Variants in SCP2 observed in about 807,000 individuals in gnomAD.
SCP2 encodes the protein sterol carrier protein 2.
Under a neutral mutation model 71.4 loss-of-function variants are expected in SCP2, and 48 were observed. The ratio of observed to expected loss-of-function variants is 0.67; its 90% confidence interval spans 0.53 to 0.86. The LOEUF is 0.86. Among genes scored for constraint, SCP2 ranks in the 40% least tolerant of loss-of-function variants. The pLI is 0.00. For missense variants in SCP2, 560 were observed against 655.6 expected (o/e 0.85, Z 1.59); for synonymous variants, 220 against 218.1 (o/e 1.01, Z -0.08).
chr1:52,955,330 T>C (rs1382975272), intron 5 of SCP2, among the ~76,000 whole-genome samples: 1 of 152,200 alleles, frequency 6.6e-6, no homozygotes, highest in African/African-American at 2.4e-5. Flanking sequence ...AGCCACAATT[T>C]TAACAGCCCC....
intron 14 of SCP2, among the ~76,000 whole-genome samples, chr1:53,041,027 C>G (rs947409488): frequency 2.0e-5 from 3 of 152,056 alleles, no homozygotes; most frequent in African/African-American, 7.2e-5. Flanking sequence ...CTGTACTGTA[C>G]TGTTATGCTT....
At chr1:52,968,193 T>C (rs59677561) in intron 6 of SCP2, among the ~76,000 whole-genome samples, 10,183 of 152,232 alleles carry the variant, frequency 0.067, 585 homozygotes, top group East Asian at 0.21. Context: ...CGGCCCGTCT[T>C]GGCCTCCCAA....
intron 1 of SCP2, among the ~76,000 whole-genome samples, chr1:52,940,596 C>T (rs1257035806): frequency 1.3e-5 from 2 of 152,144 alleles, no homozygotes; most frequent in African/African-American, 4.8e-5. Context: ...ATCTGTAATG[C>T]ACGGAACCTA....
rs748767919 is a variant in SCP2 at position 52,978,316 on chromosome 1, A to G, written c.774A>G (p.Glu258=). 6.2e-7 allele frequency: 1 copy of G among 1,614,162 alleles called. No homozygotes were observed. Among genetic ancestry groups the G allele is most frequent in the Admixed American group, 1.7e-5 (1 of 60,032 alleles). Residue 258 remains glutamate, a synonymous_variant, in exon 9 of 16, where the codon GAA becomes GAG. Coordinates refer to ENST00000371514, the MANE Select transcript of SCP2 (RefSeq NM_002979.5). ...AAGCTGTGGAAATTTTGGCACAAGA[A>G]ATGATGACTGATTTGCCAAGCTCGT... The part of the protein sequence containing the change: ...QSKAVEILAQ[E]MMTDLPSSFE...
intron 11 of SCP2, among the ~76,000 whole-genome samples, chr1:53,013,360 C>A (rs113227930): frequency 0.14 from 19,856 of 145,578 alleles, 1,923 homozygotes; most frequent in East Asian, 0.32. Flanking sequence ...CCAAGGTGGG[C>A]AGATCACGAG....
chr1:52,967,805 A>G (rs558096180), intron 6 of SCP2, among the ~76,000 whole-genome samples: 10 of 152,282 alleles, frequency 6.6e-5, no homozygotes, highest in Non-Finnish European at 8.8e-5. Flanking sequence ...TCACAGGTAC[A>G]CACAATTGCT....
intron 14 of SCP2, among the ~76,000 whole-genome samples, chr1:53,044,562 A>G (rs1038632895): frequency 1.6e-4 from 25 of 152,210 alleles, no homozygotes; most frequent in East Asian, 1.9e-4. Context: ...TTTTCATTCT[A>G]TTGGACAAAT....
intron 2 of SCP2, among the ~76,000 whole-genome samples, chr1:52,944,925 G>A (rs1287896948): frequency 1.3e-5 from 2 of 151,946 alleles, no homozygotes; most frequent in Admixed American, 6.5e-5. Flanking sequence ...AGGATTACAG[G>A]CGTGAGCCAC....
At chr1:52,977,736 G>A (rs1490252948) in intron 8 of SCP2, among the ~76,000 whole-genome samples, 5 of 152,132 alleles carry the variant, frequency 3.3e-5, no homozygotes, top group African/African-American at 7.2e-5. Flanking sequence ...CGAGGCGGGC[G>A]GATCACCTGA....
intron 11 of SCP2, among the ~76,000 whole-genome samples, chr1:52,998,375 T>C (rs1483232151): frequency 4.6e-5 from 7 of 152,148 alleles, no homozygotes; most frequent in Non-Finnish European, 5.9e-5. Flanking sequence ...GTGGGAGGAT[T>C]GCTTGAAGCC....
intron 11 of SCP2, among the ~76,000 whole-genome samples, chr1:53,012,147 T>G (rs116017985): frequency 2.6e-5 from 4 of 152,188 alleles, no homozygotes; most frequent in Admixed American, 6.5e-5. Flanking sequence ...AAAGAAATTA[T>G]CTGACCTATC....
intron 5 of SCP2, 144 bp downstream of exon 5, chr1:52,954,948 C>A: frequency 1.4e-6 from 1 of 718,820 alleles, no homozygotes; most frequent in South Asian, 1.6e-5. Context: ...TTTATTTTGC[C>A]AATGATGAAA....
intron 14 of SCP2, 28 bp from the exon 15 acceptor site, chr1:53,047,830 C>T: frequency 6.6e-7 from 1 of 1,508,904 alleles, no homozygotes; most frequent in East Asian, 2.3e-5. Context: ...CTCCTATTCT[C>T]CTTCCTTCTC....
At chr1:52,990,285 A>G (rs1415737683) in intron 11 of SCP2, among the ~76,000 whole-genome samples, 1 of 152,128 alleles carries the variant, frequency 6.6e-6, no homozygotes, top group Non-Finnish European at 1.5e-5. Flanking sequence ...AAAGAAAGAC[A>G]TGCAGATAAA....
chr1:53,050,714 T>G lies in SCP2; in HGVS notation c.*10T>G, dbSNP rs1207888908. The G allele has an allele frequency of 6.4e-7, 1 of 1,560,706 alleles. No homozygotes were observed. On this transcript the variant is annotated 3_prime_UTR_variant, in exon 16 of 16. Transcript: ENST00000371514. ...CAACGCTAAGCTCTGAAGAACTCCC[T>G]TTGGCTACTTTTGAAAATCAAGATG...
chr1:53,007,165 C>A (rs891446166), intron 11 of SCP2, among the ~76,000 whole-genome samples: 3 of 152,136 alleles, frequency 2.0e-5, no homozygotes, highest in Admixed American at 1.3e-4. Context: ...GAATTAGACT[C>A]CCACACAATA....
At chr1:53,015,072 A>G (rs1178938025) in intron 12 of SCP2, 29 bp downstream of exon 12, 1 of 1,608,764 alleles carries the variant, frequency 6.2e-7, no homozygotes, top group South Asian at 1.1e-5. Flanking sequence ...TTTGTGTGTC[A>G]GTTAATCCTT....
intron 6 of SCP2, among the ~76,000 whole-genome samples, chr1:52,966,057 A>G (rs181136955): frequency 2.0e-5 from 3 of 152,242 alleles, no homozygotes; most frequent in African/African-American, 7.2e-5. Flanking sequence ...ATATGCAGCT[A>G]TATTATATCA....
At chr1:52,979,854 T>G (rs941857194) in intron 9 of SCP2, among the ~76,000 whole-genome samples, 1 of 152,126 alleles carries the variant, frequency 6.6e-6, no homozygotes, top group Non-Finnish European at 1.5e-5. Context: ...ATTTAGACTT[T>G]CTGTGTAATA....
Sources: allele counts gnomAD v4.1 joint callset (sites outside exome capture counted in the v4.1 genomes callset), GRCh38; gene constraint gnomAD v4.1.1; transcripts MANE v1.5; gene names NCBI Gene and HGNC (gene_info 2026-07-23, HGNC 2026-07-21).